Variants in KIAA0319 observed in about 807,000 individuals in gnomAD.
KIAA0319 encodes the protein KIAA0319.
KIAA0319 carries 83 observed loss-of-function variants against 108.4 expected under a neutral mutation model. The observed-to-expected ratio is 0.77, with a 90% CI of 0.64 to 0.92. KIAA0319 has a LOEUF of 0.92. KIAA0319 is among the 40% of genes least tolerant of loss of function. The probability of loss-of-function intolerance (pLI) is 0.00; values close to 1 mark genes in which losing one functional copy is unlikely to be tolerated. For missense variants in KIAA0319, 1,195 were observed against 1,322.4 expected, an observed-to-expected ratio of 0.90 and a Z score of 1.49; for synonymous variants, 484 against 510.4, an observed-to-expected ratio of 0.95 and a Z score of 0.70.
intron 1 of KIAA0319, among the ~76,000 whole-genome samples, chr6:24,623,935 C>T (rs931739281): frequency 2.0e-5 from 3 of 150,710 alleles, no homozygotes; most frequent in Non-Finnish European, 4.4e-5. Flanking sequence ...CACAAAAATC[C>T]ATAAAAGTTA....
intron 19 of KIAA0319, among the ~76,000 whole-genome samples, chr6:24,552,388 T>C (rs1250755161): frequency 6.6e-6 from 1 of 152,194 alleles, no homozygotes; most frequent in African/African-American, 2.4e-5. Flanking sequence ...CAGTTATCAC[T>C]ACTAGCATCA....
At chr6:24,607,256 T>G (rs555185910) in intron 1 of KIAA0319, among the ~76,000 whole-genome samples, 7 of 152,226 alleles carry the variant, frequency 4.6e-5, no homozygotes, top group African/African-American at 1.7e-4. Flanking sequence ...CTTGAGAGGC[T>G]GAGGTGGGAG....
rs1321918877 is a variant in KIAA0319, at chr6:24,576,535, T to C, written c.1567A>G (p.Asn523Asp). 5.0e-6 allele frequency: 8 copies of C among 1,614,002 alleles called. No homozygotes were observed. Among genetic ancestry groups the C allele is most frequent in the Non-Finnish European group, 6.8e-6 (8 of 1,180,006 alleles). ...NSTTAALIVN[N>D]AVDYPPVANA... is the part of the protein sequence containing the mutation. The stretch of plus-strand genomic sequence containing the variant: ...GCAACTGGTGGGTAGTCCACAGCAT[T>C]GTTCACTATTAGGGCTGCAGTTGTA... Residue 523 changes from asparagine to aspartate, a missense_variant, in exon 10 of 21, where the codon AAT (asparagine) becomes GAT (aspartate). Asn to Asp is a conservative substitution (Grantham distance 23, BLOSUM62 1). Coordinates refer to ENST00000378214, the MANE Select transcript of KIAA0319 (RefSeq NM_014809.4).
chr6:24,593,802 A>G (rs943374073), intron 3 of KIAA0319, among the ~76,000 whole-genome samples: 1 of 152,184 alleles, frequency 6.6e-6, no homozygotes, highest in Non-Finnish European at 1.5e-5. Context: ...ATAAACCAGG[A>G]AGTAAATGAC....
intron 1 of KIAA0319, among the ~76,000 whole-genome samples, chr6:24,624,412 A>T (rs75946830): frequency 0.018 from 2,692 of 151,974 alleles, 75 homozygotes; most frequent in African/African-American, 0.06. Context: ...ACATTTGAAA[A>T]CTCAGAATAT....
intron 1 of KIAA0319, among the ~76,000 whole-genome samples, chr6:24,643,936 C>T (rs569834062): frequency 6.6e-5 from 10 of 152,256 alleles, no homozygotes; most frequent in African/African-American, 1.9e-4. Context: ...GGCAGAGCCA[C>T]GCCCAAACCC....
intron 3 of KIAA0319, among the ~76,000 whole-genome samples, chr6:24,593,929 A>C (rs978780673): frequency 6.6e-6 from 1 of 151,414 alleles, no homozygotes. Flanking sequence ...GGCCAGGTGC[A>C]GTGGCTCATG....
intron 1 of KIAA0319, among the ~76,000 whole-genome samples, chr6:24,602,497 C>T (rs1770777674): frequency 6.6e-6 from 1 of 152,166 alleles, no homozygotes; most frequent in Non-Finnish European, 1.5e-5. Context: ...ATAAAGCACT[C>T]TCTTAAGAAA....
rs1466970744 is a variant in KIAA0319, at chr6:24,563,216, A to AG, written c.2591+142dup. 20 of 896,992 alleles carry AG rather than the reference A, an allele frequency of 2.2e-5. No homozygotes were observed. In the African/African-American group the frequency reaches 3.2e-4, roughly 14 times the overall value. The allele number at this position is 896,992 out of a possible 1,614,324, so 55.6% of individuals were successfully genotyped here. On this transcript the variant is annotated intron_variant, in intron 16 of 20. Coordinates refer to ENST00000378214, the MANE Select transcript of KIAA0319 (RefSeq NM_014809.4). ...ATGTTGGCCATACTACTGCCCTTTG[A>AG]GAAAAAAAGTATATGAATGGGATAA... is the stretch of plus-strand genomic sequence containing the variant.
intron 17 of KIAA0319, 59 bp from the exon 18 acceptor site, chr6:24,556,788 G>A (rs945802834): frequency 1.9e-6 from 3 of 1,559,956 alleles, no homozygotes; most frequent in Non-Finnish European, 2.6e-6. Flanking sequence ...CCTGGATTCA[G>A]CTTCTTTTGT....
At chr6:24,596,658 T>A (rs1160126480) in intron 2 of KIAA0319, 40 bp from the exon 3 acceptor site, 1 of 1,544,736 alleles carries the variant, frequency 6.5e-7, no homozygotes, top group South Asian at 1.2e-5. Context: ...GAGAGGCATA[T>A]CACAGGGAAG....
intron 5 of KIAA0319, chr6:24,583,104 T>C (rs1279918570): frequency 2.0e-6 from 2 of 985,526 alleles, no homozygotes; most frequent in Non-Finnish European, 2.4e-6. Context: ...CCAGGTCAAA[T>C]GCTTACTGAA....
rs1760335917 is a variant in KIAA0319, at chr6:24,544,153, A to G, written c.*3012T>C. On this transcript the variant is annotated 3_prime_UTR_variant, in exon 21 of 21. Coordinates refer to ENST00000378214, the MANE Select transcript of KIAA0319 (RefSeq NM_014809.4). ...TTATGAACACAAATCTGAATGTCAT[A>G]TAGTTCACATGTTTCAAATTTTTTT... is the stretch of plus-strand genomic sequence containing the variant. The G allele has an allele frequency of 6.6e-6, 1 of 151,892 alleles. No homozygotes were observed. Among genetic ancestry groups the G allele is most frequent in the Non-Finnish European group, 1.5e-5 (1 of 67,844 alleles). 9.4% of individuals were successfully genotyped at this position (151,892 alleles called of 1,614,324 possible).
intron 1 of KIAA0319, among the ~76,000 whole-genome samples, chr6:24,639,035 C>G (rs1776577743): frequency 6.6e-6 from 1 of 152,154 alleles, no homozygotes; most frequent in East Asian, 1.9e-4. Flanking sequence ...AACATCACAT[C>G]TTTCCTGGTA....
chr6:24,571,270 A>G (rs768795314), intron 11 of KIAA0319, among the ~76,000 whole-genome samples: 8 of 150,210 alleles, frequency 5.3e-5, no homozygotes, highest in Non-Finnish European at 1.2e-4. Context: ...GGCCAGGTGT[A>G]GTGGCTTACA....
intron 16 of KIAA0319, among the ~76,000 whole-genome samples, chr6:24,561,512 G>C (rs974000690): frequency 1.2e-4 from 19 of 152,042 alleles, no homozygotes; most frequent in African/African-American, 3.6e-4. Flanking sequence ...CTAATGTGTT[G>C]ACATACAATG....
At chr6:24,623,321 T>C (rs567664529) in intron 1 of KIAA0319, among the ~76,000 whole-genome samples, 2 of 152,170 alleles carry the variant, frequency 1.3e-5, no homozygotes, top group South Asian at 2.1e-4. Context: ...TTTCATCATC[T>C]AGCTAAGAGG....
intron 1 of KIAA0319, among the ~76,000 whole-genome samples, chr6:24,615,278 G>A (rs943785491): frequency 2.0e-5 from 3 of 152,066 alleles, no homozygotes; most frequent in African/African-American, 7.2e-5. Flanking sequence ...GATATAGCCA[G>A]GTAATGAAAT....
chr6:24,625,306 A>G (rs183622610), intron 1 of KIAA0319, among the ~76,000 whole-genome samples: 3 of 152,336 alleles, frequency 2.0e-5, no homozygotes, highest in East Asian at 3.9e-4. Flanking sequence ...AAGTAAATGT[A>G]GCAGAAATAT....
Sources: allele counts gnomAD v4.1 joint callset (sites outside exome capture counted in the v4.1 genomes callset), GRCh38; gene constraint gnomAD v4.1.1; transcripts MANE v1.5; gene names NCBI Gene and HGNC (gene_info 2026-07-23, HGNC 2026-07-21).